The following SLC41A2 variants were observed in gnomAD, a reference collection of about 807,000 sequenced individuals.
SLC41A2 encodes solute carrier family 41 member 2.
SLC41A2 carries 32 observed loss-of-function variants against 58.3 expected under a neutral mutation model. The observed-to-expected ratio is 0.55, with a 90% CI of 0.41 to 0.74. The LOEUF (loss-of-function observed/expected upper bound fraction) is 0.74. Ranked by LOEUF, SLC41A2 falls within the 30% of genes least tolerant of loss-of-function variation. The probability of loss-of-function intolerance (pLI) is 0.00; values close to 1 mark genes in which losing one functional copy is unlikely to be tolerated. For missense variants in SLC41A2, 514 were observed against 680.6 expected (o/e 0.76, Z 2.72); for synonymous variants, 190 against 235.0 (o/e 0.81, Z 1.75).
At chr12:104,902,034 T>C in intron 3 of SLC41A2, among the ~76,000 whole-genome samples, 1 of 152,188 alleles carries the variant, frequency 6.6e-6, no homozygotes, top group East Asian at 1.9e-4. Flanking sequence ...TAACCATTGA[T>C]TGGCCTTCTA....
intron 6 of SLC41A2, among the ~76,000 whole-genome samples, chr12:104,883,162 G>A (rs143490844): frequency 0.012 from 1,833 of 152,076 alleles, 41 homozygotes; most frequent in African/African-American, 0.039. Context: ...CATGGTTTTC[G>A]GCTCCATTGG....
chr12:104,861,275 T>A lies in SLC41A2; in HGVS notation c.1255+16A>T, dbSNP rs1053565006. 4 of 1,560,640 alleles carry A rather than the reference T, an allele frequency of 2.6e-6. No individual in the cohort carries two copies. Among genetic ancestry groups the A allele is most frequent in the Non-Finnish European group, 3.5e-6 (4 of 1,133,216 alleles). On this transcript the variant is annotated intron_variant, in intron 8 of 10. Transcript: ENST00000258538. ...AAGATTTGATATTATCATGAAACAGTATATCTAATTCTTACCATTAATAAC... is the reference window on the plus strand; with the variant it reads ...AAGATTTGATATTATCATGAAACAGAATATCTAATTCTTACCATTAATAAC...
At chr12:104,935,389 T>A (rs113484176) in intron 1 of SLC41A2, among the ~76,000 whole-genome samples, 12 of 112,954 alleles carry the variant, frequency 1.1e-4, no homozygotes, top group African/African-American at 3.8e-4. Context: ...AGTGAGGTGA[T>A]GTATATGTTA....
chr12:104,915,845 G>A (rs551075705), intron 2 of SLC41A2, among the ~76,000 whole-genome samples: 6 of 152,252 alleles, frequency 3.9e-5, no homozygotes, highest in African/African-American at 1.4e-4. Context: ...CCTGTCTTGT[G>A]ACACTTTTCA....
chr12:104,818,056 T>G (rs967146783), intron 10 of SLC41A2, among the ~76,000 whole-genome samples: 1 of 152,220 alleles, frequency 6.6e-6, no homozygotes, highest in African/African-American at 2.4e-5. Context: ...CACTCCACAA[T>G]GAATACATAT....
intron 8 of SLC41A2, among the ~76,000 whole-genome samples, chr12:104,848,975 C>T (rs960066843): frequency 2.0e-5 from 3 of 151,788 alleles, no homozygotes; most frequent in Admixed American, 6.6e-5. Context: ...ATAGTGCTAT[C>T]GACTTTTAAT....
intron 6 of SLC41A2, among the ~76,000 whole-genome samples, chr12:104,872,949 A>G (rs1344629218): frequency 6.6e-6 from 1 of 152,206 alleles, no homozygotes; most frequent in South Asian, 2.1e-4. Context: ...ATGGTTAGAT[A>G]TATAGTTAAG....
Position 104,947,194 on chromosome 12 carries a change from C to CTTTTTTTTTTTTTTTTTTTTTT in SLC41A2, c.-168+10893_-168+10894insAAAAAAAAAAAAAAAAAAAAAA. 4.8e-4 allele frequency among the ~76,000 whole-genome samples: 26 copies of CTTTTTTTTTTTTTTTTTTTTTT among 53,668 alleles called. 13 individuals are homozygous for CTTTTTTTTTTTTTTTTTTTTTT. The highest frequency in any genetic ancestry group is 1.1e-3 in the African/African-American group (14 of 13,136). 35.2% of individuals were successfully genotyped at this position (53,668 alleles called of 152,430 possible). Reference sequence around the variant, plus strand: ...CTGAATTTCTGGCTTTTATTTTTGTCCTTTTTTTTTTTTTTTTTTTTTTTT... The same window carrying CTTTTTTTTTTTTTTTTTTTTTT: ...CTGAATTTCTGGCTTTTATTTTTGTCTTTTTTTTTTTTTTTTTTTTTTCTTTTTTTTTTTTTTTTTTTTTTTT... On this transcript the variant is annotated intron_variant, in intron 1 of 10. Coordinates refer to ENST00000258538, the MANE Select transcript of SLC41A2 (RefSeq NM_001352171.3).
At chr12:104,912,874 G>A (rs2046145809) in intron 2 of SLC41A2, among the ~76,000 whole-genome samples, 1 of 152,174 alleles carries the variant, frequency 6.6e-6, no homozygotes, top group Non-Finnish European at 1.5e-5. Context: ...GCATCAGCCA[G>A]TGTCTGCTGC....
chr12:104,864,551 T>C (rs749433046), intron 7 of SLC41A2, among the ~76,000 whole-genome samples: 1 of 152,166 alleles, frequency 6.6e-6, no homozygotes, highest in Non-Finnish European at 1.5e-5. Context: ...ACTGGGTACT[T>C]AGCAGGCGCT....
chr12:104,837,830 A>G (rs2042265266), intron 10 of SLC41A2, among the ~76,000 whole-genome samples: 1 of 152,182 alleles, frequency 6.6e-6, no homozygotes, highest in Admixed American at 6.5e-5. Flanking sequence ...CAAGTACTTT[A>G]TATATATTTT....
At chr12:104,884,070 C>T (rs549211716) in intron 6 of SLC41A2, among the ~76,000 whole-genome samples, 2 of 152,354 alleles carry the variant, frequency 1.3e-5, no homozygotes, top group African/African-American at 4.8e-5. Flanking sequence ...CCCCCAGCCT[C>T]GCTGCCACCT....
At chr12:104,915,667 G>C (rs138286806) in intron 2 of SLC41A2, among the ~76,000 whole-genome samples, 2 of 152,110 alleles carry the variant, frequency 1.3e-5, no homozygotes, top group Non-Finnish European at 2.9e-5. Context: ...AGGAGATTTT[G>C]GGCTGATATA....
intron 2 of SLC41A2, among the ~76,000 whole-genome samples, chr12:104,915,910 C>T (rs1178092331): frequency 6.6e-6 from 1 of 152,128 alleles, no homozygotes; most frequent in Non-Finnish European, 1.5e-5. Context: ...GTGGGTTTGT[C>T]ATAGATAGCT....
chr12:104,919,170 G>A (rs1015401209), intron 2 of SLC41A2, among the ~76,000 whole-genome samples: 12 of 152,180 alleles, frequency 7.9e-5, no homozygotes, highest in African/African-American at 2.9e-4. Context: ...GTTGTTGCAT[G>A]TGTCAATAGT....
intron 2 of SLC41A2, among the ~76,000 whole-genome samples, chr12:104,925,651 T>C (rs2046807884): frequency 6.6e-6 from 1 of 152,210 alleles, no homozygotes; most frequent in Non-Finnish European, 1.5e-5. Flanking sequence ...ACTGTAAAAG[T>C]TCATAAAATC....
At chr12:104,913,113 G>T (rs1300683919) in intron 2 of SLC41A2, among the ~76,000 whole-genome samples, 2 of 152,084 alleles carry the variant, frequency 1.3e-5, no homozygotes, top group Non-Finnish European at 2.9e-5. Context: ...GCATTGGTGT[G>T]ACAACAATAA....
chr12:104,907,206 C>CTTTTTTTT (rs10714684), intron 3 of SLC41A2, among the ~76,000 whole-genome samples: 1 of 126,796 alleles, frequency 7.9e-6, no homozygotes, highest in Non-Finnish European at 1.7e-5. Flanking sequence ...ATGTCCCCAT[C>CTTTTTTTT]TTTTTTTTTT....
At chr12:104,871,191 G>A (rs925038771) in intron 6 of SLC41A2, among the ~76,000 whole-genome samples, 5 of 152,054 alleles carry the variant, frequency 3.3e-5, no homozygotes, top group Non-Finnish European at 7.4e-5. Flanking sequence ...CTCAGATCTC[G>A]CCTACAAAGA....
Sources: allele counts gnomAD v4.1 joint callset (sites outside exome capture counted in the v4.1 genomes callset), GRCh38; gene constraint gnomAD v4.1.1; transcripts MANE v1.5; gene names NCBI Gene and HGNC (gene_info 2026-07-23, HGNC 2026-07-21).